BCAS3: variants seen among roughly 807,000 people sequenced by gnomAD.
The protein encoded by BCAS3 is BCAS3 microtubule associated cell migration factor.
In BCAS3, 53 loss-of-function variants were observed where a neutral mutation model predicts 116.1. The ratio of observed to expected loss-of-function variants is 0.46; its 90% CI spans 0.37 to 0.57. The LOEUF is 0.57. Among genes scored for constraint, BCAS3 ranks in the 20% least tolerant of loss-of-function variants. The probability of loss-of-function intolerance (pLI) is 0.00; values close to 1 mark genes in which losing one functional copy is unlikely to be tolerated. For synonymous variants in BCAS3, 391 were observed against 408.2 expected (o/e 0.96, Z 0.51); for missense variants, 917 against 1,165.4 (o/e 0.79, Z 3.10).
rs1310331349 is a variant in BCAS3, at chr17:61,248,222, C to T, written c.2426-120105C>T. Among the ~76,000 whole-genome samples the T allele has an allele frequency of 6.6e-6, 1 of 152,084 alleles. No homozygotes were observed. The highest frequency in any genetic ancestry group is 1.9e-4 in the East Asian group (1 of 5,196). ...TCCTATCTCTTTTGTAGGTGGTACCCTATTTGAGTCCTTCTGAAGACTGGA... is the reference window on the plus strand; with the variant it reads ...TCCTATCTCTTTTGTAGGTGGTACCTTATTTGAGTCCTTCTGAAGACTGGA... On this transcript the variant is annotated intron_variant, in intron 22 of 23. Coordinates refer to ENST00000407086, the MANE Select transcript of BCAS3 (RefSeq NM_017679.5). The surrounding 1 kb of genome is among the most constrained non-coding windows in gnomAD (Gnocchi z 4.3).
At chr17:60,930,867 C>T (rs898353434) in intron 13 of BCAS3, among the ~76,000 whole-genome samples, 1 of 152,054 alleles carries the variant, frequency 6.6e-6, no homozygotes, top group Non-Finnish European at 1.5e-5. Flanking sequence ...TCCTGGGAAA[C>T]GTTAAAAATA....
At chr17:60,981,942 A>G (rs534389355) in intron 14 of BCAS3, among the ~76,000 whole-genome samples, 1 of 152,288 alleles carries the variant, frequency 6.6e-6, no homozygotes, top group South Asian at 2.1e-4. Flanking sequence ...ATAATCTTCT[A>G]TAATATTAAA....
chr17:60,989,844 T>G, intron 14 of BCAS3, 127 bp from the exon 15 acceptor site: 1 of 1,018,946 alleles, frequency 9.8e-7, no homozygotes, highest in Non-Finnish European at 1.4e-6. Context: ...TTTTTATTTA[T>G]TACCTGATCT....
chr17:60,830,850 GT>G (rs200560565), intron 7 of BCAS3, among the ~76,000 whole-genome samples: 29,702 of 139,326 alleles, frequency 0.21, 3,714 homozygotes, highest in African/African-American at 0.38. Context: ...TAATTTTTGG[GT>G]TTTTTTTTTT....
intron 22 of BCAS3, among the ~76,000 whole-genome samples, chr17:61,160,731 A>G (rs1385864066): frequency 6.6e-6 from 1 of 152,190 alleles, no homozygotes; most frequent in Non-Finnish European, 1.5e-5. Flanking sequence ...GGACCACACT[A>G]TGGTCACTCT....
At chr17:60,760,315 A>T (rs181004778) in intron 6 of BCAS3, among the ~76,000 whole-genome samples, 3 of 152,040 alleles carry the variant, frequency 2.0e-5, no homozygotes, top group Non-Finnish European at 4.4e-5. Flanking sequence ...GTGCATTTTC[A>T]TGATAGGGTA....
At position 61,279,745 on chromosome 17, in the gene BCAS3, T is replaced by C. The variant is rs1275707583; in HGVS notation, c.2426-88582T>C. 6.6e-6 allele frequency among the ~76,000 whole-genome samples: 1 copy of C among 150,550 alleles called. No individual in the cohort carries two copies. Among genetic ancestry groups the C allele is most frequent in the Non-Finnish European group, 1.5e-5 (1 of 67,762 alleles). The stretch of plus-strand genomic sequence containing the variant: ...GGGCTAAGCCACTGGGCCTCCATGG[T>C]GAGGTGGCACTGGTCCCTCTGCTTG... On this transcript the variant is annotated intron_variant, in intron 22 of 23. Coordinates refer to ENST00000407086, the MANE Select transcript of BCAS3 (RefSeq NM_017679.5). This position sits in a 1 kb window ranked among gnomAD's most constrained non-coding sequence, Gnocchi z 4.4.
rs538965833 is a variant in BCAS3 at position 61,223,321 on chromosome 17, TA to T, written c.2425+138759del. On this transcript the variant is annotated intron_variant, in intron 22 of 23. Coordinates refer to ENST00000407086, the MANE Select transcript of BCAS3 (RefSeq NM_017679.5). The stretch of plus-strand genomic sequence containing the variant: ...ACAGGCATGTGCCACCACGCCTGGC[TA>T]ATTTTTTTTTGTATTTAGTAGAGAT... 9.9e-4 allele frequency among the ~76,000 whole-genome samples: 151 copies of T among 152,090 alleles called. 1 individual carries two copies. Among genetic ancestry groups the T allele is most frequent in the African/African-American group, 3.5e-3 (144 of 41,498 alleles).
At chr17:61,234,303 C>A (rs1203145900) in intron 22 of BCAS3, among the ~76,000 whole-genome samples, 1 of 152,156 alleles carries the variant, frequency 6.6e-6, no homozygotes, top group Non-Finnish European at 1.5e-5. Flanking sequence ...CATTCCTACA[C>A]CATTGCTGAG....
chr17:61,264,885 A>G lies in BCAS3; in HGVS notation c.2426-103442A>G, dbSNP rs577500197. Among the ~76,000 whole-genome samples, 18 of 152,344 alleles carry G rather than the reference A, an allele frequency of 1.2e-4. No homozygotes were observed. In the East Asian group the frequency reaches 3.5e-3, roughly 29 times the overall value. ...ACATTTTCTAAAATCTGAGCCAAAA[A>G]GAGAGCTAAGCCATTAATTATGGTC... On this transcript the variant is annotated intron_variant, in intron 22 of 23. Transcript: ENST00000407086.
chr17:61,009,526 A>G (rs1036087290), intron 15 of BCAS3, among the ~76,000 whole-genome samples: 1 of 151,976 alleles, frequency 6.6e-6, no homozygotes, highest in African/African-American at 2.4e-5. Context: ...TTGTCATTTG[A>G]TTCCTTAATG....
chr17:61,247,887 A>G (rs1222942077), intron 22 of BCAS3, among the ~76,000 whole-genome samples: 1 of 152,048 alleles, frequency 6.6e-6, no homozygotes, highest in African/African-American at 2.4e-5. Context: ...TTGCTTCCCT[A>G]CCCACCCATG....
chr17:61,103,179 C>T (rs1601252290), intron 22 of BCAS3, among the ~76,000 whole-genome samples: 1 of 152,118 alleles, frequency 6.6e-6, no homozygotes, highest in Admixed American at 6.5e-5. Flanking sequence ...CAGTTCTTCC[C>T]TTCTTAGATT....
rs1165579140 is a variant in BCAS3 at position 61,278,791 on chromosome 17, G to T, written c.2426-89536G>T. Among the ~76,000 whole-genome samples the T allele has an allele frequency of 6.6e-6, 1 of 152,166 alleles. No individual in the cohort carries two copies. The highest frequency in any genetic ancestry group is 6.6e-5 in the Admixed American group (1 of 15,262). On this transcript the variant is annotated intron_variant, in intron 22 of 23. Coordinates refer to ENST00000407086, the MANE Select transcript of BCAS3 (RefSeq NM_017679.5). This position sits in a 1 kb window ranked among gnomAD's most constrained non-coding sequence, Gnocchi z 5.8. ...GGAAAATCTATAGAGACAGAAAGTA[G>T]ATTAGTAGTGGTTTCCTAGGACTTG...
At chr17:61,310,878 T>C (rs3902104) in intron 22 of BCAS3, among the ~76,000 whole-genome samples, 21,117 of 152,130 alleles carry the variant, frequency 0.14, 1,506 homozygotes, top group East Asian at 0.22. Context: ...CCGATGAGGA[T>C]CTTCTATGAC....
Position 61,324,755 on chromosome 17 carries a change from C to T in BCAS3, c.2426-43572C>T, listed in dbSNP as rs1360319015. ...AGCTCACTTCTATAATCTCAGAAGG[C>T]GGGAGGATCAGTTGAGCTCAGGAGT... On this transcript the variant is annotated intron_variant, in intron 22 of 23. Coordinates refer to ENST00000407086, the MANE Select transcript of BCAS3 (RefSeq NM_017679.5). This position sits in a 1 kb window ranked among gnomAD's most constrained non-coding sequence, Gnocchi z 4.6. Among the ~76,000 whole-genome samples, 4 of 149,428 alleles carry T rather than the reference C, an allele frequency of 2.7e-5. No homozygotes were observed. The highest frequency in any genetic ancestry group is 2.0e-4 in the East Asian group (1 of 5,114).
chr17:61,147,557 A>T (rs1227523365), intron 22 of BCAS3, among the ~76,000 whole-genome samples: 2 of 152,184 alleles, frequency 1.3e-5, no homozygotes, highest in Non-Finnish European at 2.9e-5. Flanking sequence ...TAGCGCTAAT[A>T]GATTTCTGTT....
At chr17:61,146,763 C>T (rs1021603714) in intron 22 of BCAS3, among the ~76,000 whole-genome samples, 2 of 152,022 alleles carry the variant, frequency 1.3e-5, no homozygotes, top group African/African-American at 2.4e-5. Flanking sequence ...TATGACTTTG[C>T]TGAATTGAGG....
chr17:61,101,848 G>T (rs2074347581), intron 22 of BCAS3, among the ~76,000 whole-genome samples: 2 of 152,084 alleles, frequency 1.3e-5, no homozygotes, highest in Admixed American at 6.5e-5. Flanking sequence ...ACCCATTAAT[G>T]CATGGGGACT....
Sources: allele counts gnomAD v4.1 joint callset (sites outside exome capture counted in the v4.1 genomes callset), GRCh38; gene constraint gnomAD v4.1.1; non-coding constraint Gnocchi (gnomAD v3.1); transcripts MANE v1.5; gene names NCBI Gene and HGNC (gene_info 2026-07-23, HGNC 2026-07-21).